Variants in ZNF385C observed in about 807,000 individuals in gnomAD.
ZNF385C encodes zinc finger protein 385C, also known as CTD-2132N18.2.
A neutral mutation model predicts 35.4 loss-of-function variants in ZNF385C; 28 were observed. That is an observed-to-expected ratio of 0.79 (90% CI 0.59 to 1.08). The LOEUF (loss-of-function observed/expected upper bound fraction) is 1.08, where lower values mean the gene tolerates loss of function less well. ZNF385C is among the 50% of genes least tolerant of loss of function. The probability of loss-of-function intolerance (pLI) is 0.00; values close to 1 mark genes in which losing one functional copy is unlikely to be tolerated. For synonymous variants in ZNF385C, 248 were observed against 248.2 expected, an observed-to-expected ratio of 1.00 and a Z score of 0.01; for missense variants, 605 against 595.6, an observed-to-expected ratio of 1.02 and a Z score of -0.16.
At chr17:42,072,100 C>T (rs4796768) in intron 1 of ZNF385C, among the ~76,000 whole-genome samples, 31,835 of 152,032 alleles carry the variant, frequency 0.21, 3,939 homozygotes, top group East Asian at 0.34. Context: ...CTTTTTGCAC[C>T]CCCCAAAAGA....
intron 1 of ZNF385C, among the ~76,000 whole-genome samples, chr17:42,068,860 G>A (rs1391008779): frequency 6.6e-6 from 1 of 152,202 alleles, no homozygotes; most frequent in Non-Finnish European, 1.5e-5. Context: ...ACTGATGGGT[G>A]GGGAGGGGGC....
chr17:42,086,605 G>A lies in ZNF385C; in HGVS notation c.-3+11805C>T, dbSNP rs541013770. Among the ~76,000 whole-genome samples the A allele has an allele frequency of 2.0e-5, 3 of 150,436 alleles. No homozygotes were observed. The East Asian group carries it at 6.0e-4, about 30-fold the overall frequency. On this transcript the variant is annotated intron_variant, in intron 1 of 8. Transcript: ENST00000692273. ...TCATTCCAGCTACTTGGGAGGCTGA[G>A]GCAGGAGAATAGCTTGAACCCAGGA...
chr17:42,030,086 G>A (rs1171991992), intron 5 of ZNF385C, among the ~76,000 whole-genome samples: 1 of 152,042 alleles, frequency 6.6e-6, no homozygotes, highest in Admixed American at 6.6e-5. Context: ...ATGATCCACG[G>A]TGGAGTACTA....
intron 1 of ZNF385C, among the ~76,000 whole-genome samples, chr17:42,073,591 G>A (rs550320216): frequency 6.6e-6 from 1 of 152,256 alleles, no homozygotes; most frequent in Admixed American, 6.5e-5. Context: ...GTGTGTGGCT[G>A]AGAGTCCTTT....
chr17:42,028,222 T>C lies in ZNF385C; in HGVS notation c.992A>G (p.Glu331Gly). ...NTGAKHRWMMEGQRGAPRRSR... is the reference protein window; with the variant it reads ...NTGAKHRWMMGGQRGAPRRSR... ...CCTCCGGGGAGCCCCTCGCTGACCTTCCATCATCCACCGGTGCTTGGCTCC... is the reference window on the plus strand; with the variant it reads ...CCTCCGGGGAGCCCCTCGCTGACCTCCCATCATCCACCGGTGCTTGGCTCC... The change falls in exon 7 of 9, where the codon GAA becomes GGA. Residue 331 changes from glutamate (E) to glycine (G), a missense_variant. By Grantham distance (98) the Glu-to-Gly change is moderately conservative. Coordinates refer to ENST00000692273, the MANE Select transcript of ZNF385C (RefSeq NM_001392013.1). The C allele has an allele frequency of 6.5e-7, 1 of 1,546,986 alleles. No individual in the cohort carries two copies.
Position 42,026,677 on chromosome 17 carries a change from G to A in ZNF385C, c.*220C>T. 1.7e-6 allele frequency: 1 copy of A among 596,444 alleles called. No homozygotes were observed. 36.9% of individuals were successfully genotyped at this position (596,444 alleles called of 1,614,324 possible). Reference sequence around the variant, plus strand: ...TTTGGGGTCTGTCAGGGTGGGAAATGCAGGCAAGCCTAGGATTAACCCTGG... The same window carrying A: ...TTTGGGGTCTGTCAGGGTGGGAAATACAGGCAAGCCTAGGATTAACCCTGG... On this transcript the variant is annotated 3_prime_UTR_variant, in exon 9 of 9. Transcript: ENST00000692273.
At chr17:42,055,101 GCC>G (rs1555657449) in intron 2 of ZNF385C, among the ~76,000 whole-genome samples, 2 of 152,150 alleles carry the variant, frequency 1.3e-5, no homozygotes, top group African/African-American at 4.8e-5. Context: ...CCCGATGCTA[GCC>G]CCCGACCCCC....
chr17:42,058,847 G>A (rs1320874577), intron 2 of ZNF385C, among the ~76,000 whole-genome samples: 1 of 152,278 alleles, frequency 6.6e-6, no homozygotes, highest in East Asian at 1.9e-4. Flanking sequence ...AGTAGAGATG[G>A]GGTTTCACCA....
At chr17:42,051,541 T>C (rs1598192046) in intron 2 of ZNF385C, among the ~76,000 whole-genome samples, 1 of 151,862 alleles carries the variant, frequency 6.6e-6, no homozygotes, top group Non-Finnish European at 1.5e-5. Context: ...GAATTACAAC[T>C]TGGGGAGGAG....
intron 4 of ZNF385C, among the ~76,000 whole-genome samples, chr17:42,033,787 A>G (rs958319027): frequency 2.0e-5 from 3 of 151,958 alleles, no homozygotes; most frequent in Admixed American, 6.6e-5. Flanking sequence ...TCCCGCCTCC[A>G]CCCGTCTCAC....
At chr17:42,035,843 C>T (rs1015272589) in intron 3 of ZNF385C, among the ~76,000 whole-genome samples, 2 of 151,810 alleles carry the variant, frequency 1.3e-5, no homozygotes, top group Non-Finnish European at 2.9e-5. Flanking sequence ...TGTGAGCCAC[C>T]GTGCCCAGCC....
intron 2 of ZNF385C, among the ~76,000 whole-genome samples, chr17:42,048,941 C>CA (rs59106537): frequency 3.4e-4 from 49 of 144,852 alleles, no homozygotes; most frequent in African/African-American, 8.2e-4. Context: ...GACTCCATCT[C>CA]AAAAAAAAAA....
In ZNF385C at chr17:42,037,834, G is replaced by T. The variant is rs1555655637; in HGVS notation, c.302C>A (p.Pro101His). The change falls in exon 3 of 9, where the codon CCC (proline) becomes CAC (histidine). Residue 101 changes from proline to histidine, a missense_variant. Pro to His is a moderately conservative substitution (Grantham distance 77). Coordinates refer to ENST00000692273, the MANE Select transcript of ZNF385C (RefSeq NM_001392013.1). ...CAGCGGGGGCTGCAGAGGCCGGGTG[G>T]GCAGGGGCAGGGAGGCCAGCAGGGG... ...PSPLLASLPL[P>H]TRPLQPPLDF... is the part of the protein sequence containing the mutation. 1 of 1,517,268 alleles carries T rather than the reference G, an allele frequency of 6.6e-7. No individual in the cohort carries two copies. Among genetic ancestry groups the T allele is most frequent in the Admixed American group, 2.1e-5 (1 of 46,650 alleles). 94.0% of individuals were successfully genotyped at this position (1,517,268 alleles called of 1,614,324 possible). A position where few individuals can be genotyped will look rare whatever the true frequency, so the allele number is the denominator to read the frequency against.
Position 42,027,030 on chromosome 17 carries a change from G to A in ZNF385C, c.1379C>T (p.Pro460Leu). 2.5e-6 allele frequency: 4 copies of A among 1,608,114 alleles called. No homozygotes were observed. The highest frequency in any genetic ancestry group is 1.3e-5 in the African/African-American group (1 of 74,924). Residue 460 changes from proline to leucine, a missense_variant, in exon 9 of 9, where the codon CCC becomes CTC. By Grantham distance (98) the Pro-to-Leu change is moderately conservative (BLOSUM62 -3). Transcript: ENST00000692273. The part of the protein sequence containing the change: ...AATAICALPG[P>L]LALRPAPTAA... ...TGTAGGGGCAGGGCGGAGGGCCAGG[G>A]GCCCTGGCAGAGCACAGATGGCAGT...
At chr17:42,084,086 A>C (rs969341960) in intron 1 of ZNF385C, among the ~76,000 whole-genome samples, 3 of 152,048 alleles carry the variant, frequency 2.0e-5, no homozygotes, top group African/African-American at 4.8e-5. Context: ...GCTCACACCT[A>C]TAATCCCACC....
intron 2 of ZNF385C, among the ~76,000 whole-genome samples, chr17:42,060,479 C>T (rs1242484656): frequency 6.6e-6 from 1 of 152,160 alleles, no homozygotes; most frequent in Non-Finnish European, 1.5e-5. Flanking sequence ...ACACCCAGCA[C>T]ACTGATGGCC....
At chr17:42,057,503 CGCGCGCGCGCGT>C (rs1257368170) in intron 2 of ZNF385C, among the ~76,000 whole-genome samples, 1 of 141,772 alleles carries the variant, frequency 7.1e-6, no homozygotes, top group African/African-American at 3.1e-5. Flanking sequence ...GGTGTGCGCG[CGCGCGCGCGCGT>C]GTGTGTGTGT....
chr17:42,030,812 A>G (rs2052709422), intron 5 of ZNF385C, among the ~76,000 whole-genome samples: 1 of 152,180 alleles, frequency 6.6e-6, no homozygotes, highest in East Asian at 1.9e-4. Flanking sequence ...ACACAGGGAC[A>G]CACAAGGGAG....
At position 42,028,235 on chromosome 17, in the gene ZNF385C, G is replaced by C. The variant is rs371800037; in HGVS notation, c.979C>G (p.Arg327Gly). 6.5e-7 allele frequency: 1 copy of C among 1,534,694 alleles called. No homozygotes were observed. The highest frequency in any genetic ancestry group is 8.7e-7 in the Non-Finnish European group (1 of 1,144,334). The stretch of plus-strand genomic sequence containing the variant: ...CCTCGCTGACCTTCCATCATCCACC[G>C]GTGCTTGGCTCCTGGAGAGGGAAGA... ...LQAHNTGAKH[R>G]WMMEGQRGAP... The change falls in exon 7 of 9, where the codon CGG (arginine) becomes GGG (glycine). Residue 327 changes from arginine to glycine, a missense_variant. Transcript: ENST00000692273.
Sources: gnomAD v4.1 joint callset for allele counts (sites outside exome capture counted in the v4.1 genomes callset) on GRCh38, gnomAD v4.1.1 for gene constraint, MANE v1.5 for transcripts, NCBI Gene and HGNC (gene_info 2026-07-23, HGNC 2026-07-21) for gene names.